The following GHR variants were observed in gnomAD, a reference collection of about 807,000 sequenced individuals.
The protein encoded by GHR is GH receptor.
A neutral mutation model predicts 67.1 loss-of-function variants in GHR; 35 were observed. That is an observed-to-expected ratio of 0.52 (90% CI 0.40 to 0.69). The LOEUF (loss-of-function observed/expected upper bound fraction) is 0.69, where lower values mean the gene tolerates loss of function less well. GHR is among the 30% of genes least tolerant of loss of function. The probability of loss-of-function intolerance (pLI) is 0.00; values close to 1 mark genes in which losing one functional copy is unlikely to be tolerated. For missense variants in GHR, 792 were observed against 764.6 expected (o/e 1.04, Z -0.42); for synonymous variants, 272 against 269.1 (o/e 1.01, Z -0.10).
chr5:42,614,011 C>A (rs894583727), intron 2 of GHR, among the ~76,000 whole-genome samples: 3 of 152,138 alleles, frequency 2.0e-5, no homozygotes, highest in Admixed American at 6.6e-5. Flanking sequence ...CTGTAGTAAG[C>A]GGTCTGTAAA....
At chr5:42,438,826 G>A (rs1743446336) in intron 1 of GHR, among the ~76,000 whole-genome samples, 1 of 152,060 alleles carries the variant, frequency 6.6e-6, no homozygotes, top group Admixed American at 6.6e-5. Flanking sequence ...TCCACCAACA[G>A]CTTGATTCAT....
At chr5:42,655,720 GAC>G (rs1445857523) in intron 3 of GHR, among the ~76,000 whole-genome samples, 1 of 150,040 alleles carries the variant, frequency 6.7e-6, no homozygotes, top group Non-Finnish European at 1.5e-5. Context: ...GGCATTAGTA[GAC>G]ACTGTCTACC....
At chr5:42,579,151 T>TATAG (rs10533483) in intron 2 of GHR, among the ~76,000 whole-genome samples, 4,208 of 87,078 alleles carry the variant, frequency 0.048, 137 homozygotes, top group Admixed American at 0.073. Flanking sequence ...GATAGATAGA[T>TATAG]ATAGATAGAT....
rs1758944035 is a variant in GHR, at chr5:42,720,012, A to G, written c.*588A>G. 5.6e-6 allele frequency: 1 copy of G among 179,818 alleles called. No individual in the cohort carries two copies. The highest frequency in any genetic ancestry group is 2.4e-5 in the African/African-American group (1 of 41,646). 11.1% of individuals were successfully genotyped at this position (179,818 alleles called of 1,614,324 possible). On this transcript the variant is annotated 3_prime_UTR_variant, in exon 10 of 10. Coordinates refer to ENST00000230882, the MANE Select transcript of GHR (RefSeq NM_000163.5). ...AAGCATGGCTATTTTATATTACACT[A>G]CACACTGTGTACTGCAGTTGGTATG...
intron 3 of GHR, among the ~76,000 whole-genome samples, chr5:42,641,241 A>G (rs1754460716): frequency 6.6e-6 from 1 of 151,986 alleles, no homozygotes; most frequent in South Asian, 2.1e-4. Context: ...TTCACCCCTT[A>G]CTGGACTAAA....
At chr5:42,635,907 GAAGT>G (rs1408766347) in intron 3 of GHR, among the ~76,000 whole-genome samples, 1 of 151,816 alleles carries the variant, frequency 6.6e-6, no homozygotes, top group African/African-American at 2.4e-5. Flanking sequence ...CTTAATCTTA[GAAGT>G]GAGTAAAAAA....
At chr5:42,466,522 C>A (rs1208265373) in intron 1 of GHR, among the ~76,000 whole-genome samples, 1 of 152,164 alleles carries the variant, frequency 6.6e-6, no homozygotes, top group Non-Finnish European at 1.5e-5. Context: ...AGGCAGATAA[C>A]CTGCCTATTG....
intron 1 of GHR, among the ~76,000 whole-genome samples, chr5:42,500,851 C>T (rs1746511685): frequency 6.6e-6 from 1 of 152,128 alleles, no homozygotes. Flanking sequence ...CATCCTAAAA[C>T]CATTAAGAAA....
rs878960872 is a variant in GHR at position 42,423,863 on chromosome 5, C to T, written c.-104C>T. ...CTGAGCCCGGGCGGCGGCGGGGACCCCGGGCTGGGGCCACGCGGGCCGGAG... is the reference window on the plus strand; with the variant it reads ...CTGAGCCCGGGCGGCGGCGGGGACCTCGGGCTGGGGCCACGCGGGCCGGAG... On this transcript the variant is annotated 5_prime_UTR_variant, in exon 1 of 10. Transcript: ENST00000230882. 2 of 158,268 alleles carry T rather than the reference C, an allele frequency of 1.3e-5. No homozygotes were observed. Among genetic ancestry groups the T allele is most frequent in the South Asian group, 3.5e-4 (2 of 5,760 alleles). The allele number at this position is 158,268 out of a possible 1,614,324, so 9.8% of individuals were successfully genotyped here. A position where few individuals can be genotyped will look rare whatever the true frequency, so the allele number is the denominator to read the frequency against.
At chr5:42,538,084 T>A (rs1748340956) in intron 1 of GHR, among the ~76,000 whole-genome samples, 1 of 152,180 alleles carries the variant, frequency 6.6e-6, no homozygotes, top group African/African-American at 2.4e-5. Flanking sequence ...AGGCAGCAGA[T>A]ACTTGGTTGG....
At chr5:42,661,850 C>G (rs1665414867) in intron 3 of GHR, among the ~76,000 whole-genome samples, 1 of 152,168 alleles carries the variant, frequency 6.6e-6, no homozygotes, top group Non-Finnish European at 1.5e-5. Context: ...GTGCTGTATT[C>G]AGGAAACCCA....
At chr5:42,428,015 C>T (rs1392205095) in intron 1 of GHR, among the ~76,000 whole-genome samples, 6 of 152,222 alleles carry the variant, frequency 3.9e-5, no homozygotes, top group Admixed American at 2.0e-4. Context: ...GCCCTCTTCT[C>T]TTAGCTCTAC....
intron 2 of GHR, among the ~76,000 whole-genome samples, chr5:42,600,672 A>C (rs997366654): frequency 6.6e-6 from 1 of 152,072 alleles, no homozygotes; most frequent in Non-Finnish European, 1.5e-5. Flanking sequence ...ATGAATATCA[A>C]CTCTGCCTTT....
chr5:42,449,998 G>A (rs537733758), intron 1 of GHR, among the ~76,000 whole-genome samples: 6 of 152,120 alleles, frequency 3.9e-5, no homozygotes, highest in Non-Finnish European at 8.8e-5. Flanking sequence ...TATGAAACCC[G>A]CTTGATCATG....
chr5:42,669,001 A>G (rs1357281665), intron 3 of GHR, among the ~76,000 whole-genome samples: 1 of 152,222 alleles, frequency 6.6e-6, no homozygotes, highest in East Asian at 1.9e-4. Context: ...ATGTAGTGGT[A>G]GTAATTCCAC....
At chr5:42,570,390 A>C (rs1750223244) in intron 2 of GHR, among the ~76,000 whole-genome samples, 1 of 152,210 alleles carries the variant, frequency 6.6e-6, no homozygotes, top group South Asian at 2.1e-4. Context: ...TTGATGTTGG[A>C]GTTCAGCAGG....
At chr5:42,550,297 C>T (rs1748955292) in intron 1 of GHR, among the ~76,000 whole-genome samples, 1 of 152,104 alleles carries the variant, frequency 6.6e-6, no homozygotes, top group Admixed American at 6.5e-5. Context: ...CTTAACTTAC[C>T]CCATTTGTAA....
At chr5:42,661,133 G>T (rs1755591048) in intron 3 of GHR, among the ~76,000 whole-genome samples, 1 of 152,216 alleles carries the variant, frequency 6.6e-6, no homozygotes, top group Non-Finnish European at 1.5e-5. Context: ...TCTGATTGGT[G>T]TACCTGAAAT....
chr5:42,453,938 G>A (rs984401536), intron 1 of GHR, among the ~76,000 whole-genome samples: 5 of 152,218 alleles, frequency 3.3e-5, no homozygotes, highest in Admixed American at 1.3e-4. Flanking sequence ...CTACCCACTA[G>A]CAGAAAGATC....
Sources: gnomAD v4.1 joint callset for allele counts (sites outside exome capture counted in the v4.1 genomes callset) on GRCh38, gnomAD v4.1.1 for gene constraint, MANE v1.5 for transcripts, NCBI Gene and HGNC (gene_info 2026-07-23, HGNC 2026-07-21) for gene names.